The following SLC38A4 variants were observed in gnomAD, a reference collection of about 807,000 sequenced individuals.
SLC38A4 encodes the protein sodium-coupled neutral amino acid transporter 4.
Under a neutral mutation model 63.1 loss-of-function variants are expected in SLC38A4, and 20 were observed. That is an observed-to-expected ratio of 0.32 (90% CI 0.22 to 0.46). The LOEUF (loss-of-function observed/expected upper bound fraction) is 0.46, where lower values mean the gene tolerates loss of function less well. SLC38A4 is among the 20% of genes least tolerant of loss of function. The pLI is 1.00. For missense variants in SLC38A4, 526 were observed against 663.6 expected (o/e 0.79, Z 2.28); for synonymous variants, 230 against 225.5 (o/e 1.02, Z -0.18).
intron 1 of SLC38A4, among the ~76,000 whole-genome samples, chr12:46,804,980 C>A (rs1177019329): frequency 6.6e-6 from 1 of 151,890 alleles, no homozygotes; most frequent in Non-Finnish European, 1.5e-5. Context: ...AAAAGATTAA[C>A]CATGCAAAAA....
intron 11 of SLC38A4, 35 bp downstream of exon 11, chr12:46,778,466 A>T (rs1161679763): frequency 6.2e-7 from 1 of 1,611,284 alleles, no homozygotes; most frequent in Non-Finnish European, 8.5e-7. Flanking sequence ...AAAACACATA[A>T]CTGTACTCAT....
At chr12:46,803,850 A>C (rs1170792994) in intron 1 of SLC38A4, 56 bp from the exon 2 acceptor site, 2 of 152,128 alleles carry the variant, frequency 1.3e-5, no homozygotes, top group South Asian at 2.1e-4. Context: ...ATTTGGATTA[A>C]ACATCAGTTA....
At chr12:46,800,571 G>A (rs931778716) in intron 2 of SLC38A4, among the ~76,000 whole-genome samples, 4 of 151,862 alleles carry the variant, frequency 2.6e-5, no homozygotes, top group East Asian at 1.9e-4. Flanking sequence ...AAGGCCAATT[G>A]GTCAGAGTGT....
At chr12:46,771,045 A>G (rs1938406465) in intron 14 of SLC38A4, among the ~76,000 whole-genome samples, 1 of 152,162 alleles carries the variant, frequency 6.6e-6, no homozygotes, top group Non-Finnish European at 1.5e-5. Context: ...TTCTAGAATG[A>G]CAAACCAGAT....
chr12:46,798,665 G>T (rs1179592237), intron 2 of SLC38A4, among the ~76,000 whole-genome samples: 1 of 152,118 alleles, frequency 6.6e-6, no homozygotes, highest in Non-Finnish European at 1.5e-5. Context: ...TTTGCATTAA[G>T]CCATGCTAAT....
chr12:46,826,951 T>C (rs182018079), upstream of SLC38A4, among the ~76,000 whole-genome samples: 90 of 152,360 alleles, frequency 5.9e-4, 2 homozygotes, highest in East Asian at 0.017. Flanking sequence ...ACATGTTTTC[T>C]TTCTTCCTTC....
intron 14 of SLC38A4, among the ~76,000 whole-genome samples, chr12:46,770,065 CT>C (rs1298120806): frequency 1.3e-5 from 2 of 152,054 alleles, no homozygotes; most frequent in Non-Finnish European, 2.9e-5. Flanking sequence ...TATGCTTTCA[CT>C]TTCTTAGTTT....
At chr12:46,818,231 T>C (rs537257488) in intron 1 of SLC38A4, among the ~76,000 whole-genome samples, 3 of 152,014 alleles carry the variant, frequency 2.0e-5, no homozygotes, top group African/African-American at 4.8e-5. Context: ...CTGTAAACTA[T>C]TGGTAGGTTA....
At chr12:46,779,561 A>G in intron 10 of SLC38A4, 50 bp downstream of exon 10, 1 of 1,495,424 alleles carries the variant, frequency 6.7e-7, no homozygotes. Context: ...TTAGGCACAA[A>G]AAAACTCATG....
chr12:46,774,026 C>CT (rs746678856), intron 14 of SLC38A4, among the ~76,000 whole-genome samples: 35 of 151,960 alleles, frequency 2.3e-4, no homozygotes, highest in Non-Finnish European at 4.9e-4. Flanking sequence ...CAAGACGGAG[C>CT]TGATTTTAGG....
chr12:46,807,650 G>A (rs1341187928), intron 1 of SLC38A4, among the ~76,000 whole-genome samples: 1 of 151,788 alleles, frequency 6.6e-6, no homozygotes, highest in African/African-American at 2.4e-5. Flanking sequence ...AAGAAAAATA[G>A]AGAAAATCCA....
chr12:46,783,091 G>A (rs144887210), intron 7 of SLC38A4, among the ~76,000 whole-genome samples: 1 of 148,510 alleles, frequency 6.7e-6, no homozygotes, highest in African/African-American at 2.5e-5. Context: ...GACAGTCAAG[G>A]GGAGAAAGTA....
intron 2 of SLC38A4, among the ~76,000 whole-genome samples, chr12:46,802,539 G>A (rs1939151492): frequency 6.6e-6 from 1 of 151,988 alleles, no homozygotes; most frequent in Non-Finnish European, 1.5e-5. Flanking sequence ...ACATTTTTCA[G>A]ATCTTAAATG....
upstream of SLC38A4, among the ~76,000 whole-genome samples, chr12:46,828,472 T>C (rs1376003133): frequency 6.6e-6 from 1 of 151,962 alleles, no homozygotes; most frequent in African/African-American, 2.4e-5. Context: ...CAGGCGCACG[T>C]CACCACATCC....
rs1202999355 is a variant in SLC38A4 at position 46,765,635 on chromosome 12, C to G, written c.*1066G>C. ...GCCCACCAACTTAATTCCCTGCCCCCACCCCCAATAATATAAATGCTTTGA... is the reference window on the plus strand; with the variant it reads ...GCCCACCAACTTAATTCCCTGCCCCGACCCCCAATAATATAAATGCTTTGA... On this transcript the variant is annotated 3_prime_UTR_variant, in exon 17 of 17. Transcript: ENST00000266579. 1 of 181,178 alleles carries G rather than the reference C, an allele frequency of 5.5e-6. No homozygotes were observed. Among genetic ancestry groups the G allele is most frequent in the African/African-American group, 2.4e-5 (1 of 41,520 alleles). The allele number at this position is 181,178 out of a possible 1,614,324, so 11.2% of individuals were successfully genotyped here.
At chr12:46,798,828 T>C (rs1565672563) in intron 2 of SLC38A4, among the ~76,000 whole-genome samples, 1 of 152,062 alleles carries the variant, frequency 6.6e-6, no homozygotes, top group Admixed American at 6.6e-5. Flanking sequence ...ACAGATGAGG[T>C]AATGGAGGCA....
chr12:46,778,207 CTG>C (rs1211795236), intron 12 of SLC38A4, 80 bp downstream of exon 12: 2 of 1,332,488 alleles, frequency 1.5e-6, no homozygotes. Flanking sequence ...AAGCTATAAA[CTG>C]TGTTTCCTGT....
In SLC38A4 at chr12:46,766,499, T is replaced by A; in HGVS notation, c.*202A>T. ...GGGTAGAAATGTGCACCACAGGTTT[T>A]ATTTTAAACACATACACAACCATCC... On this transcript the variant is annotated 3_prime_UTR_variant, in exon 17 of 17. Transcript: ENST00000266579. 1.5e-6 allele frequency: 1 copy of A among 660,708 alleles called. No homozygotes were observed. Among genetic ancestry groups the A allele is most frequent in the East Asian group, 2.9e-5 (1 of 33,928 alleles). The allele number at this position is 660,708 out of a possible 1,614,324, so 40.9% of individuals were successfully genotyped here.
intron 14 of SLC38A4, among the ~76,000 whole-genome samples, chr12:46,771,849 C>A (rs1938422809): frequency 6.6e-6 from 1 of 152,082 alleles, no homozygotes; most frequent in Non-Finnish European, 1.5e-5. Context: ...TCTGCTCTTC[C>A]ACTTAGCTAT....
Sources: allele counts gnomAD v4.1 joint callset (sites outside exome capture counted in the v4.1 genomes callset), GRCh38; gene constraint gnomAD v4.1.1; transcripts MANE v1.5; gene names NCBI Gene and HGNC (gene_info 2026-07-23, HGNC 2026-07-21).